CDC42EP4: variants seen among roughly 807,000 people sequenced by gnomAD.
CDC42EP4 encodes the protein CDC42 effector protein (Rho GTPase binding) 4.
Under a neutral mutation model 5.6 loss-of-function variants are expected in CDC42EP4, and 6 were observed. That is an observed-to-expected ratio of 1.07 (90% CI 0.59 to 2.12). The LOEUF (loss-of-function observed/expected upper bound fraction) is 2.12. Among genes scored for constraint, CDC42EP4 ranks in the 30% most tolerant of loss-of-function variants. The probability of loss-of-function intolerance (pLI) is 0.00; values close to 1 mark genes in which losing one functional copy is unlikely to be tolerated. For synonymous variants in CDC42EP4, 230 were observed against 224.2 expected (o/e 1.03, Z -0.23); for missense variants, 490 against 508.6 (o/e 0.96, Z 0.35).
At chr17:73,309,126 T>C (rs1240372536) in intron 1 of CDC42EP4, among the ~76,000 whole-genome samples, 1 of 139,092 alleles carries the variant, frequency 7.2e-6, no homozygotes, top group Non-Finnish European at 1.5e-5. Flanking sequence ...TGGGGGAAGA[T>C]CCCTTGAGCT....
At chr17:73,303,729 T>C (rs1000689724) in intron 1 of CDC42EP4, among the ~76,000 whole-genome samples, 2 of 150,690 alleles carry the variant, frequency 1.3e-5, no homozygotes, top group African/African-American at 2.5e-5. Flanking sequence ...CTAGAAAGCA[T>C]AAAATTCCAT....
In CDC42EP4 at chr17:73,284,956, TC is replaced by T. The variant is rs3842668; in HGVS notation, c.*473del. On this transcript the variant is annotated 3_prime_UTR_variant, in exon 2 of 2. Coordinates refer to ENST00000335793, the MANE Select transcript of CDC42EP4 (RefSeq NM_012121.5). Reference sequence around the variant, plus strand: ...GGGCTGAGAGGCAAGACCGTCTCCCTCCTGCTGCAGCTGCTTCCCCAGCAGC... The same window carrying T: ...GGGCTGAGAGGCAAGACCGTCTCCCTCTGCTGCAGCTGCTTCCCCAGCAGC... 11,996 of 152,128 alleles carry T rather than the reference TC, an allele frequency of 0.079. 497 individuals are homozygous for T. Among genetic ancestry groups the T allele is most frequent in the East Asian group, 0.17 (853 of 5,128 alleles). The allele number at this position is 152,128 out of a possible 1,614,324, so 9.4% of individuals were successfully genotyped here. A position where few individuals can be genotyped will look rare whatever the true frequency, so the allele number is the denominator to read the frequency against.
intron 1 of CDC42EP4, among the ~76,000 whole-genome samples, chr17:73,310,701 A>G (rs2062268843): frequency 6.6e-6 from 1 of 151,938 alleles, no homozygotes; most frequent in Admixed American, 6.6e-5. Context: ...GGGAAAACAC[A>G]GGGAACCTGG....
intron 1 of CDC42EP4, among the ~76,000 whole-genome samples, chr17:73,300,381 G>C (rs1252638573): frequency 6.7e-6 from 1 of 149,672 alleles, no homozygotes; most frequent in African/African-American, 2.4e-5. Context: ...CTACTGGGAA[G>C]GGGGGTGAAT....
At chr17:73,305,375 T>C (rs1484335973) in intron 1 of CDC42EP4, among the ~76,000 whole-genome samples, 1 of 152,162 alleles carries the variant, frequency 6.6e-6, no homozygotes, top group Non-Finnish European at 1.5e-5. Flanking sequence ...TCCCTCCTGC[T>C]CGGGAGTGAT....
intron 1 of CDC42EP4, among the ~76,000 whole-genome samples, chr17:73,308,105 G>T (rs746463685): frequency 6.6e-6 from 1 of 152,042 alleles, no homozygotes. Context: ...TGCCACATGC[G>T]GGCTCCTTCC....
At chr17:73,304,170 C>A (rs2062233356) in intron 1 of CDC42EP4, among the ~76,000 whole-genome samples, 1 of 152,190 alleles carries the variant, frequency 6.6e-6, no homozygotes, top group South Asian at 2.1e-4. Context: ...GGCCACATGT[C>A]ATGGAGAAAA....
rs1209700498 is a variant in CDC42EP4 at position 73,284,167 on chromosome 17, A to G, written c.*1263T>C. On this transcript the variant is annotated 3_prime_UTR_variant, in exon 2 of 2. Transcript: ENST00000335793. ...GAAAATTATCTTTTGTTTACCTGAA[A>G]TTTGCGTTTAACTCAGCACTCTGTT... 1.3e-5 allele frequency: 2 copies of G among 152,192 alleles called. No individual in the cohort carries two copies. The highest frequency in any genetic ancestry group is 6.5e-5 in the Admixed American group (1 of 15,282). The allele number at this position is 152,192 out of a possible 1,614,324, so 9.4% of individuals were successfully genotyped here.
intron 1 of CDC42EP4, among the ~76,000 whole-genome samples, chr17:73,292,716 C>T (rs998648147): frequency 2.6e-5 from 4 of 152,104 alleles, no homozygotes; most frequent in Non-Finnish European, 5.9e-5. Flanking sequence ...GAGGGAACGG[C>T]GCGTGCAAAC....
At chr17:73,293,364 T>A (rs779329255) in intron 1 of CDC42EP4, among the ~76,000 whole-genome samples, 8 of 151,978 alleles carry the variant, frequency 5.3e-5, no homozygotes, top group Non-Finnish European at 1.0e-4. Flanking sequence ...GGGGACACAG[T>A]GGGAGACATT....
chr17:73,304,674 G>A (rs979440640), intron 1 of CDC42EP4, among the ~76,000 whole-genome samples: 2 of 151,454 alleles, frequency 1.3e-5, no homozygotes, highest in East Asian at 1.9e-4. Flanking sequence ...CGGGTGGTGC[G>A]AGGGGGACAG....
chr17:73,295,221 C>T (rs1460853866), intron 1 of CDC42EP4, among the ~76,000 whole-genome samples: 2 of 152,040 alleles, frequency 1.3e-5, no homozygotes, highest in African/African-American at 4.8e-5. Context: ...AGGATCCAAC[C>T]CAGTGGTCTT....
intron 1 of CDC42EP4, chr17:73,310,165 C>G (rs2062266251): frequency 6.6e-6 from 1 of 152,270 alleles, no homozygotes; most frequent in Non-Finnish European, 1.5e-5. Flanking sequence ...ATCAGAAATC[C>G]GCAGCTCAGC....
At chr17:73,287,189 A>C (rs1352655169) in intron 1 of CDC42EP4, among the ~76,000 whole-genome samples, 1 of 152,196 alleles carries the variant, frequency 6.6e-6, no homozygotes, top group Non-Finnish European at 1.5e-5. Flanking sequence ...CGTGGGCGGC[A>C]CAGTCCTCTT....
intron 1 of CDC42EP4, among the ~76,000 whole-genome samples, chr17:73,299,445 AC>A (rs1568344366): frequency 0.014 from 1,425 of 104,902 alleles, 8 homozygotes; most frequent in African/African-American, 0.023. Flanking sequence ...AAAAAAAAAT[AC>A]ACACACACAC....
At chr17:73,296,438 A>G (rs1006544032) in intron 1 of CDC42EP4, among the ~76,000 whole-genome samples, 2 of 140,492 alleles carry the variant, frequency 1.4e-5, no homozygotes, top group Non-Finnish European at 3.1e-5. Flanking sequence ...AAAAAAAAAG[A>G]CTGGAGACAG....
At chr17:73,311,584 T>A (rs1309706508) in intron 1 of CDC42EP4, 1 of 152,444 alleles carries the variant, frequency 6.6e-6, no homozygotes, top group Non-Finnish European at 1.5e-5. Flanking sequence ...GGCCGGGAGT[T>A]CCAGCGTGGA....
chr17:73,296,437 G>T (rs913618104), intron 1 of CDC42EP4, among the ~76,000 whole-genome samples: 8 of 132,012 alleles, frequency 6.1e-5, no homozygotes, highest in Non-Finnish European at 8.1e-5. Context: ...AAAAAAAAAA[G>T]ACTGGAGACA....
chr17:73,289,298 G>A (rs2062149143), intron 1 of CDC42EP4, among the ~76,000 whole-genome samples: 1 of 152,078 alleles, frequency 6.6e-6, no homozygotes, highest in African/African-American at 2.4e-5. Context: ...AGGAGTTCCA[G>A]ACCAGCCTGG....
Sources: gnomAD v4.1 joint callset for allele counts (sites outside exome capture counted in the v4.1 genomes callset) on GRCh38, gnomAD v4.1.1 for gene constraint, MANE v1.5 for transcripts, NCBI Gene and HGNC (gene_info 2026-07-23, HGNC 2026-07-21) for gene names.